Variants in CDS2 observed in about 807,000 individuals in gnomAD.
CDS2 encodes the protein CDP-diacylglycerol synthase 2.
CDS2 carries 47 observed loss-of-function variants against 59.0 expected under a neutral mutation model. That is an observed-to-expected ratio of 0.80 (90% confidence interval 0.63 to 1.02). The LOEUF is 1.02. Among genes scored for constraint, CDS2 ranks in the 50% least tolerant of loss-of-function variants. The probability of loss-of-function intolerance (pLI) is 0.00; values close to 1 mark genes in which losing one functional copy is unlikely to be tolerated. For synonymous variants in CDS2, 207 were observed against 206.4 expected, an observed-to-expected ratio of 1.00 and a Z score of -0.02; for missense variants, 356 against 558.9, an observed-to-expected ratio of 0.64 and a Z score of 3.66.
intron 1 of CDS2, among the ~76,000 whole-genome samples, chr20:5,153,285 T>G (rs1359540539): frequency 6.6e-6 from 1 of 152,222 alleles, no homozygotes; most frequent in Non-Finnish European, 1.5e-5. Flanking sequence ...GTATAACATA[T>G]GTATAGAGTG....
intron 1 of CDS2, among the ~76,000 whole-genome samples, chr20:5,169,902 C>T (rs1478745328): frequency 6.6e-6 from 1 of 151,990 alleles, no homozygotes; most frequent in African/African-American, 2.4e-5. Flanking sequence ...AGCACTTGGC[C>T]CCAGCAAGGC....
chr20:5,191,428 C>T lies in CDS2; in HGVS notation c.*1194C>T, dbSNP rs941205271. 6.6e-6 allele frequency: 1 copy of T among 152,046 alleles called. No individual in the cohort carries two copies. Among genetic ancestry groups the T allele is most frequent in the Non-Finnish European group, 1.5e-5 (1 of 68,006 alleles). 9.4% of individuals were successfully genotyped at this position (152,046 alleles called of 1,614,324 possible). A position where few individuals can be genotyped will look rare whatever the true frequency, so the allele number is the denominator to read the frequency against. ...CTTAAACTGTGATTTTTTTTCCCCT[C>T]CCTAATTTCAGGGGTGAGATTGACT... On this transcript the variant is annotated 3_prime_UTR_variant, in exon 13 of 13. Coordinates refer to ENST00000460006, the MANE Select transcript of CDS2 (RefSeq NM_003818.4).
At chr20:5,181,196 C>G (rs1291518178) in intron 5 of CDS2, among the ~76,000 whole-genome samples, 2 of 152,220 alleles carry the variant, frequency 1.3e-5, no homozygotes, top group African/African-American at 4.8e-5. Context: ...AATACTGATT[C>G]AGATTTTTAC....
rs1374594202 is a variant in CDS2, at chr20:5,184,663, A to G, written c.672-195A>G. On this transcript the variant is annotated intron_variant, in intron 7 of 12. Transcript: ENST00000460006. This position sits in a 1 kb window ranked among gnomAD's most constrained non-coding sequence, Gnocchi z 4.3. ...CTTATTCAGTAGTCATTCAGTAAACACTTGAATATGTACTCTGTGCTAGGT... is the reference window on the plus strand; with the variant it reads ...CTTATTCAGTAGTCATTCAGTAAACGCTTGAATATGTACTCTGTGCTAGGT... Among the ~76,000 whole-genome samples the G allele has an allele frequency of 6.6e-6, 1 of 152,138 alleles. No individual in the cohort carries two copies. Among genetic ancestry groups the G allele is most frequent in the Non-Finnish European group, 1.5e-5 (1 of 68,030 alleles).
At chr20:5,143,515 G>T (rs1173317928) in intron 1 of CDS2, among the ~76,000 whole-genome samples, 3 of 152,106 alleles carry the variant, frequency 2.0e-5, no homozygotes, top group Non-Finnish European at 2.9e-5. Flanking sequence ...CTTTGTAGTA[G>T]CCCCAAACTT....
intron 1 of CDS2, among the ~76,000 whole-genome samples, chr20:5,169,811 C>G (rs577192305): frequency 6.6e-6 from 1 of 152,194 alleles, no homozygotes; most frequent in Non-Finnish European, 1.5e-5. Flanking sequence ...CAGACACCAC[C>G]TTACACAGTT....
intron 1 of CDS2, among the ~76,000 whole-genome samples, chr20:5,143,460 A>G (rs1350394840): frequency 6.6e-6 from 1 of 152,178 alleles, no homozygotes; most frequent in African/African-American, 2.4e-5. Context: ...AAATCTGTAC[A>G]TGTATTCACT....
chr20:5,149,747 G>T (rs1034380638), intron 1 of CDS2, among the ~76,000 whole-genome samples: 1 of 151,328 alleles, frequency 6.6e-6, no homozygotes, highest in Admixed American at 6.6e-5. Context: ...ACAGAACGTC[G>T]CTCTTTTGCC....
rs997185977 is a variant in CDS2 at position 5,170,872 on chromosome 20, A to C, written c.58-2651A>C. ...CAAATAGACGCAGTAAAAAATGACA[A>C]AGGGGATATCACCACCGATCCCACA... On this transcript the variant is annotated intron_variant, in intron 1 of 12. Transcript: ENST00000460006. Among the ~76,000 whole-genome samples, 3 of 152,246 alleles carry C rather than the reference A, an allele frequency of 2.0e-5. 1 individual carries two copies.
intron 1 of CDS2, among the ~76,000 whole-genome samples, chr20:5,153,976 A>G (rs1019151944): frequency 1.3e-5 from 2 of 152,194 alleles, no homozygotes; most frequent in African/African-American, 4.8e-5. Flanking sequence ...GGTATGACAA[A>G]TGATGACTGT....
At chr20:5,158,043 G>A (rs1384784969) in intron 1 of CDS2, among the ~76,000 whole-genome samples, 1 of 151,540 alleles carries the variant, frequency 6.6e-6, no homozygotes, top group East Asian at 1.9e-4. Flanking sequence ...TTTTTTGTTT[G>A]TTTGCTTGTT....
chr20:5,146,369 C>T (rs894065398), intron 1 of CDS2, among the ~76,000 whole-genome samples: 4 of 152,000 alleles, frequency 2.6e-5, no homozygotes, highest in Admixed American at 1.3e-4. Flanking sequence ...GGAAGGAAAC[C>T]GATGAAAGAG....
Position 5,196,084 on chromosome 20 carries a change from C to G in CDS2, c.*5850C>G, listed in dbSNP as rs2091155285. ...TACTGGTTTGACTGTGGATTATTTC[C>G]TGGGTATTAGTGGGACCCAACAGCA... On this transcript the variant is annotated 3_prime_UTR_variant, in exon 13 of 13. Transcript: ENST00000460006. The G allele has an allele frequency of 6.6e-6, 1 of 152,078 alleles. No individual in the cohort carries two copies. Among genetic ancestry groups the G allele is most frequent in the Non-Finnish European group, 1.5e-5 (1 of 68,008 alleles). 9.4% of individuals were successfully genotyped at this position (152,078 alleles called of 1,614,324 possible).
intron 1 of CDS2, among the ~76,000 whole-genome samples, chr20:5,154,081 C>T (rs1364944940): frequency 6.6e-6 from 1 of 152,176 alleles, no homozygotes; most frequent in Non-Finnish European, 1.5e-5. Context: ...ACCCCGTTCC[C>T]ACCTCATGTC....
intron 2 of CDS2, 31 bp downstream of exon 2, chr20:5,173,690 TG>T: frequency 6.2e-7 from 1 of 1,612,890 alleles, no homozygotes; most frequent in Non-Finnish European, 8.5e-7. Context: ...AGGTGCTTGT[TG>T]GGGGCTTTGC....
intron 1 of CDS2, among the ~76,000 whole-genome samples, chr20:5,153,040 T>C (rs1231207733): frequency 6.6e-6 from 1 of 152,192 alleles, no homozygotes; most frequent in Non-Finnish European, 1.5e-5. Flanking sequence ...CCGGCTTTTG[T>C]GTAGTTTAGT....
intron 1 of CDS2, among the ~76,000 whole-genome samples, chr20:5,138,886 A>G (rs114574496): frequency 0.012 from 1,869 of 152,232 alleles, 47 homozygotes; most frequent in African/African-American, 0.041. Flanking sequence ...GTGCAGATTC[A>G]CAGATATTTT....
intron 1 of CDS2, among the ~76,000 whole-genome samples, chr20:5,129,741 G>T (rs117848740): frequency 0.068 from 9,735 of 143,212 alleles, 434 homozygotes; most frequent in Non-Finnish European, 0.1. Flanking sequence ...TGTACCTGGC[G>T]TTTTTTTTTT....
Position 5,173,644 on chromosome 20 carries a change from C to A in CDS2, c.179C>A (p.Ser60Tyr). 2.5e-6 allele frequency: 4 copies of A among 1,614,124 alleles called. No homozygotes were observed. Among genetic ancestry groups the A allele is most frequent in the Non-Finnish European group, 3.4e-6 (4 of 1,179,988 alleles). ...CCGGAGGTCCTCAATAGGGCCCTTT[C>A]CAACTTGTCTTCAAGGTAACCTGGC... ...DTPEVLNRALSNLSSRWKNWW... is the reference protein window; with the variant it reads ...DTPEVLNRALYNLSSRWKNWW... The change falls in exon 2 of 13, where the codon TCC (serine) becomes TAC (tyrosine). Residue 60 changes from serine (S) to tyrosine (Y), a missense_variant. Ser to Tyr is a moderately radical substitution (Grantham distance 144, BLOSUM62 -2). Transcript: ENST00000460006.
Sources: allele counts gnomAD v4.1 joint callset (sites outside exome capture counted in the v4.1 genomes callset), GRCh38; gene constraint gnomAD v4.1.1; non-coding constraint Gnocchi (gnomAD v3.1); transcripts MANE v1.5; gene names NCBI Gene and HGNC (gene_info 2026-07-23, HGNC 2026-07-21).